Variants in FYCO1 observed in about 807,000 individuals in gnomAD.
FYCO1 encodes FYVE and coiled-coil domain autophagy adaptor 1, also known as FYVE and coiled-coil domain-containing protein 1.
In FYCO1, 122 loss-of-function variants were observed where a neutral mutation model predicts 165.1. The ratio of observed to expected loss-of-function variants is 0.74; its 90% confidence interval spans 0.64 to 0.86. The LOEUF (loss-of-function observed/expected upper bound fraction) is 0.86, where lower values mean the gene tolerates loss of function less well. Ranked by LOEUF, FYCO1 falls within the 40% of genes least tolerant of loss-of-function variation. The pLI is 0.00. For missense variants in FYCO1, 1,702 were observed against 1,810.3 expected, an observed-to-expected ratio of 0.94 and a Z score of 1.09; for synonymous variants, 648 against 742.5, an observed-to-expected ratio of 0.87 and a Z score of 2.07.
intron 6 of FYCO1, among the ~76,000 whole-genome samples, chr3:45,971,836 A>C (rs1351026023): frequency 6.6e-6 from 1 of 152,252 alleles, no homozygotes; most frequent in Non-Finnish European, 1.5e-5. Context: ...GATAATTTGT[A>C]AAATTTAAAT....
At chr3:45,926,383 A>G (rs1703318455) in intron 16 of FYCO1, among the ~76,000 whole-genome samples, 1 of 152,238 alleles carries the variant, frequency 6.6e-6, no homozygotes, top group Non-Finnish European at 1.5e-5. Context: ...ATTACATAAC[A>G]CAGCTTTTAT....
Position 45,967,008 on chromosome 3 carries a change from C to T in FYCO1, c.2326G>A (p.Ala776Thr). Reference protein sequence around the residue: ...ELAAQLALSQAQLEVHQGEVQ... With the variant: ...ELAAQLALSQTQLEVHQGEVQ... Reference sequence around the variant, plus strand: ...TCCCCCTGATGGACTTCCAGCTGCGCCTGAGACAGGGCTAGCTGGGCAGCC... The same window carrying T: ...TCCCCCTGATGGACTTCCAGCTGCGTCTGAGACAGGGCTAGCTGGGCAGCC... The change falls in exon 8 of 18, where the codon GCG becomes ACG. Residue 776 changes from alanine to threonine, a missense_variant. By Grantham distance (58) the Ala-to-Thr change is moderately conservative. Transcript: ENST00000296137. 6.2e-7 allele frequency: 1 copy of T among 1,613,188 alleles called. No homozygotes were observed. Among genetic ancestry groups the T allele is most frequent in the Non-Finnish European group, 8.5e-7 (1 of 1,180,010 alleles).
chr3:45,975,380 G>T, intron 4 of FYCO1, 35 bp from the exon 5 acceptor site: 1 of 1,520,814 alleles, frequency 6.6e-7, no homozygotes, highest in Non-Finnish European at 9.1e-7. Flanking sequence ...CCAAAGAGCT[G>T]TCAGCCTAAC....
intron 14 of FYCO1, among the ~76,000 whole-genome samples, chr3:45,950,490 T>C (rs934176117): frequency 7.2e-5 from 11 of 152,072 alleles, no homozygotes; most frequent in Admixed American, 5.9e-4. Context: ...AGCCTGGAGC[T>C]ACCCCTACTG....
Position 45,968,431 on chromosome 3 carries a change from CT to C in FYCO1, c.902del (p.Gln301ArgfsTer12). 6.2e-7 allele frequency: 1 copy of C among 1,613,990 alleles called. No homozygotes were observed. The highest frequency in any genetic ancestry group is 8.5e-7 in the Non-Finnish European group (1 of 1,179,984). ...TCTGGGTGGCCTGGGTGACCTCCCA[CT>C]GCTTCTGGAGCTCAGCTACCAAGCA... Reference protein sequence around the residue: ...LTCLVAELQKQWEVTQATQNT... With the variant: ...LTCLVAELQKXWEVTQATQNT... On this transcript the variant is annotated frameshift_variant, in exon 8 of 18. Coordinates refer to ENST00000296137, the MANE Select transcript of FYCO1 (RefSeq NM_024513.4). LOFTEE classifies it high-confidence loss of function.
In FYCO1 at chr3:45,918,074, T is replaced by A. The variant is rs1322082910; in HGVS notation, c.*3691A>T. On this transcript the variant is annotated 3_prime_UTR_variant, in exon 18 of 18. Coordinates refer to ENST00000296137, the MANE Select transcript of FYCO1 (RefSeq NM_024513.4). ...TGCTTCTAGATAATTCTTTGGCAGA[T>A]AAGAATGAATTGGGGTCCCAGACCC... is the stretch of plus-strand genomic sequence containing the variant. 1 of 152,598 alleles carries A rather than the reference T, an allele frequency of 6.6e-6. No individual in the cohort carries two copies. The allele number at this position is 152,598 out of a possible 1,614,324, so 9.5% of individuals were successfully genotyped here.
At position 45,947,934 on chromosome 3, in the gene FYCO1, G is replaced by C. The variant is rs184094257; in HGVS notation, c.3944+7315C>G. On this transcript the variant is annotated intron_variant, in intron 14 of 17. Transcript: ENST00000296137. ...ACTACTGGGCAAAGAGTGTAGATCA[G>C]AGCAGCAGTGAAAACAAGTGCTGGC... is the stretch of plus-strand genomic sequence containing the variant. The C allele has an allele frequency of 4.7e-5, 8 of 171,146 alleles. No homozygotes were observed. In the East Asian group the frequency reaches 5.2e-4, roughly 11 times the overall value. 10.6% of individuals were successfully genotyped at this position (171,146 alleles called of 1,614,324 possible). A position where few individuals can be genotyped will look rare whatever the true frequency, so the allele number is the denominator to read the frequency against.
At chr3:45,926,099 G>T (rs1276599550) in intron 16 of FYCO1, among the ~76,000 whole-genome samples, 2 of 152,200 alleles carry the variant, frequency 1.3e-5, no homozygotes, top group Non-Finnish European at 2.9e-5. Flanking sequence ...GTGAGGAAGA[G>T]AGACAAAAAA....
At chr3:45,954,392 A>G (rs1705200491) in intron 14 of FYCO1, among the ~76,000 whole-genome samples, 1 of 152,082 alleles carries the variant, frequency 6.6e-6, no homozygotes, top group African/African-American at 2.4e-5. Context: ...CCCAACCCCT[A>G]TAGTCCAGTG....
chr3:45,971,969 AAAG>A (rs1691615293), intron 6 of FYCO1, among the ~76,000 whole-genome samples: 1 of 152,244 alleles, frequency 6.6e-6, no homozygotes, highest in Non-Finnish European at 1.5e-5. Flanking sequence ...ACTTAAGAGA[AAAG>A]AGGATCAAGT....
chr3:45,935,443 T>C (rs556281716), intron 15 of FYCO1, among the ~76,000 whole-genome samples: 1 of 152,320 alleles, frequency 6.6e-6, no homozygotes, highest in South Asian at 2.1e-4. Flanking sequence ...CCACTCTGAC[T>C]CCACCTCCTG....
chr3:45,981,202 T>G (rs1402625915), intron 3 of FYCO1, among the ~76,000 whole-genome samples: 1 of 152,236 alleles, frequency 6.6e-6, no homozygotes, highest in Admixed American at 6.5e-5. Context: ...TGATTGTGTG[T>G]ATACATACAC....
chr3:45,961,766 G>A (rs888180316), intron 11 of FYCO1, among the ~76,000 whole-genome samples: 21 of 152,164 alleles, frequency 1.4e-4, no homozygotes, highest in Admixed American at 4.6e-4. Flanking sequence ...GAAGCTGGGT[G>A]ACAGGTACCT....
intron 6 of FYCO1, 45 bp from the exon 7 acceptor site, chr3:45,969,810 C>A: frequency 6.5e-7 from 1 of 1,542,570 alleles, no homozygotes; most frequent in Non-Finnish European, 8.9e-7. Context: ...GAGCAGGAAA[C>A]CTAACACATG....
chr3:45,934,756 C>G (rs1041516936), intron 15 of FYCO1, among the ~76,000 whole-genome samples: 2 of 152,198 alleles, frequency 1.3e-5, no homozygotes, highest in Non-Finnish European at 1.5e-5. Context: ...CACGACCACC[C>G]AAGTTCTCTG....
At chr3:45,987,769 A>G (rs1234310615) in intron 1 of FYCO1, among the ~76,000 whole-genome samples, 1 of 152,206 alleles carries the variant, frequency 6.6e-6, no homozygotes, top group African/African-American at 2.4e-5. Context: ...GCAACAACAG[A>G]TCCTGAGTAA....
Position 45,967,033 on chromosome 3 carries a change from CA to C in FYCO1, c.2300del (p.Leu767ArgfsTer5). The C allele has an allele frequency of 6.2e-7, 1 of 1,613,436 alleles. No individual in the cohort carries two copies. Among genetic ancestry groups the C allele is most frequent in the Non-Finnish European group, 8.5e-7 (1 of 1,180,024 alleles). On this transcript the variant is annotated frameshift_variant, in exon 8 of 18. Coordinates refer to ENST00000296137, the MANE Select transcript of FYCO1 (RefSeq NM_024513.4). LOFTEE classifies it high-confidence loss of function. The stretch of plus-strand genomic sequence containing the variant: ...CCTGAGACAGGGCTAGCTGGGCAGC[CA>C]GCTCACGGGCTTCATTGTCAGTGGG... ...GPPTDNEARE[L>X]AAQLALSQAQ...
chr3:45,967,892 C>A lies in FYCO1; in HGVS notation c.1442G>T (p.Ser481Ile). The A allele has an allele frequency of 6.2e-7, 1 of 1,614,158 alleles. No individual in the cohort carries two copies. The highest frequency in any genetic ancestry group is 8.5e-7 in the Non-Finnish European group (1 of 1,180,030). Residue 481 changes from serine to isoleucine, a missense_variant, in exon 8 of 18, where the codon AGC becomes ATC. Transcript: ENST00000296137. ...CTCTGCTAGCTCCTCCTCCCAGGAG[C>A]TCGTGTGGGCCAGCAACTCCTGCAG... ...RRLQELLAHT[S>I]SWEEELAELR...
At chr3:45,928,564 G>C (rs1217812306) in intron 16 of FYCO1, among the ~76,000 whole-genome samples, 1 of 152,212 alleles carries the variant, frequency 6.6e-6, no homozygotes, top group Non-Finnish European at 1.5e-5. Context: ...GAGAGTGTCT[G>C]ACAGGTGCCC....
Sources: allele counts gnomAD v4.1 joint callset (sites outside exome capture counted in the v4.1 genomes callset), GRCh38; gene constraint gnomAD v4.1.1; transcripts MANE v1.5; gene names NCBI Gene and HGNC (gene_info 2026-07-23, HGNC 2026-07-21).